The following SLC22A9 variants were observed in gnomAD, a reference collection of about 807,000 sequenced individuals.
The protein encoded by SLC22A9 is solute carrier family 22 member 9, also known as organic anion transporter 7.
A neutral mutation model predicts 50.1 loss-of-function variants in SLC22A9; 64 were observed. That is an observed-to-expected ratio of 1.28 (90% CI 1.04 to 1.57). The LOEUF is 1.57. Ranked by LOEUF, SLC22A9 falls within the 40% of genes most tolerant of loss-of-function variation. The probability of loss-of-function intolerance (pLI) is 0.00; values close to 1 mark genes in which losing one functional copy is unlikely to be tolerated. For synonymous variants in SLC22A9, 261 were observed against 242.5 expected, an observed-to-expected ratio of 1.08 and a Z score of -0.71; for missense variants, 757 against 676.1, an observed-to-expected ratio of 1.12 and a Z score of -1.33.
At chr11:63,381,646 T>C (rs1226097216) in intron 5 of SLC22A9, among the ~76,000 whole-genome samples, 2 of 152,016 alleles carry the variant, frequency 1.3e-5, no homozygotes, top group Non-Finnish European at 2.9e-5. Flanking sequence ...AAGCATGAGA[T>C]TAGGGAGAAA....
At chr11:63,399,568 C>T (rs1200693665) in intron 6 of SLC22A9, among the ~76,000 whole-genome samples, 1 of 151,954 alleles carries the variant, frequency 6.6e-6, no homozygotes, top group East Asian at 1.9e-4. Flanking sequence ...ACTACTAGAA[C>T]TAAAGAGATA....
intron 6 of SLC22A9, among the ~76,000 whole-genome samples, chr11:63,406,021 C>T (rs1037096079): frequency 1.5e-4 from 23 of 152,224 alleles, no homozygotes; most frequent in African/African-American, 5.3e-4. Context: ...CTTTGAGAGA[C>T]AGGACTTGGT....
chr11:63,385,037 C>T, intron 6 of SLC22A9, among the ~76,000 whole-genome samples: 2 of 127,298 alleles, frequency 1.6e-5, no homozygotes, highest in African/African-American at 6.2e-5. Flanking sequence ...GATATTACAT[C>T]TTTGTCAGAT....
At chr11:63,408,261 C>A (rs376035024) in intron 8 of SLC22A9, 41 bp downstream of exon 8, 19 of 1,486,898 alleles carry the variant, frequency 1.3e-5, no homozygotes, top group Non-Finnish European at 1.7e-5. Flanking sequence ...TCAAAATGGA[C>A]CTTTCTCAGA....
chr11:63,409,744 T>A (rs2015105285), intron 9 of SLC22A9, 58 bp from the exon 10 acceptor site: 1 of 1,526,326 alleles, frequency 6.6e-7, no homozygotes, highest in African/African-American at 1.4e-5. Flanking sequence ...ACTTACATGT[T>A]TAGTCCATGT....
At chr11:63,370,920 T>C (rs1401367455) in intron 1 of SLC22A9, among the ~76,000 whole-genome samples, 1 of 152,136 alleles carries the variant, frequency 6.6e-6, no homozygotes, top group Non-Finnish European at 1.5e-5. Context: ...CCATTTAGTA[T>C]GAAATAAAAA....
Position 63,403,298 on chromosome 11 carries a change from T to G in SLC22A9, c.1074-3199T>G, listed in dbSNP as rs531901403. Among the ~76,000 whole-genome samples, 6 of 152,176 alleles carry G rather than the reference T, an allele frequency of 3.9e-5. No individual in the cohort carries two copies. The South Asian group carries it at 1.2e-3, about 32-fold the overall frequency. ...ATGGCAGATTTCTGCAGAAACCTTG[T>G]AGGCCAACAGAGAGTGGGATGATAT... On this transcript the variant is annotated intron_variant, in intron 6 of 9. Transcript: ENST00000279178.
At chr11:63,397,342 C>A (rs1243983540) in intron 6 of SLC22A9, among the ~76,000 whole-genome samples, 1 of 152,150 alleles carries the variant, frequency 6.6e-6, no homozygotes, top group Non-Finnish European at 1.5e-5. Context: ...GCCAGTATAG[C>A]ACTGGGTATC....
intron 4 of SLC22A9, 97 bp downstream of exon 4, chr11:63,374,159 C>A: frequency 8.6e-7 from 1 of 1,161,122 alleles, no homozygotes; most frequent in East Asian, 2.6e-5. Context: ...TTTGTGTAAA[C>A]CTGAGAGCAC....
At chr11:63,388,905 T>A (rs1026549237) in intron 6 of SLC22A9, among the ~76,000 whole-genome samples, 2 of 152,132 alleles carry the variant, frequency 1.3e-5, no homozygotes, top group African/African-American at 4.8e-5. Context: ...AACCTTGGTA[T>A]GCTATTCGTG....
intron 6 of SLC22A9, among the ~76,000 whole-genome samples, chr11:63,383,655 CA>C (rs1565184013): frequency 6.6e-6 from 1 of 151,872 alleles, no homozygotes; most frequent in Non-Finnish European, 1.5e-5. Flanking sequence ...CAAAAGGGAA[CA>C]AAAAAATCCC....
At chr11:63,397,923 T>C (rs1210403242) in intron 6 of SLC22A9, among the ~76,000 whole-genome samples, 1 of 152,066 alleles carries the variant, frequency 6.6e-6, no homozygotes, top group Non-Finnish European at 1.5e-5. Context: ...CCTCCTTTAA[T>C]CTTGGCTCTT....
intron 6 of SLC22A9, among the ~76,000 whole-genome samples, chr11:63,385,887 T>G (rs1034804723): frequency 6.6e-6 from 1 of 152,222 alleles, no homozygotes; most frequent in Non-Finnish European, 1.5e-5. Context: ...TCAAGGGGAA[T>G]GCTTCCAGCT....
chr11:63,398,469 G>C (rs925444072), intron 6 of SLC22A9, among the ~76,000 whole-genome samples: 14 of 152,176 alleles, frequency 9.2e-5, no homozygotes, highest in African/African-American at 3.4e-4. Flanking sequence ...TTTAGTCCAT[G>C]ATGGTGAGGC....
intron 2 of SLC22A9, among the ~76,000 whole-genome samples, chr11:63,371,544 A>G (rs750575045): frequency 1.5e-4 from 23 of 152,170 alleles, no homozygotes; most frequent in Non-Finnish European, 2.5e-4. Context: ...AGAAAGGAAG[A>G]CGTTTCATCA....
intron 6 of SLC22A9, among the ~76,000 whole-genome samples, chr11:63,384,279 A>G (rs570686406): frequency 6.6e-6 from 1 of 152,008 alleles, no homozygotes; most frequent in Non-Finnish European, 1.5e-5. Context: ...ATTTTTCTTA[A>G]TGTTCTCTCT....
At chr11:63,373,834 G>A (rs1171341887) in intron 3 of SLC22A9, 36 bp downstream of exon 3, 2 of 1,604,298 alleles carry the variant, frequency 1.2e-6, no homozygotes, top group Non-Finnish European at 1.7e-6. Context: ...TTTCCAAACT[G>A]TGACTTTGAA....
chr11:63,407,679 C>G (rs2015063467), intron 7 of SLC22A9, among the ~76,000 whole-genome samples: 1 of 152,148 alleles, frequency 6.6e-6, no homozygotes, highest in Non-Finnish European at 1.5e-5. Flanking sequence ...GCAACCCTAG[C>G]CCCATGTCAA....
In SLC22A9 at chr11:63,375,718, G is replaced by T. The variant is rs1385154918; in HGVS notation, c.904G>T (p.Ala302Ser). ...PEEGLKELRKAAHRSGMKNAR... is the reference protein window; with the variant it reads ...PEEGLKELRKSAHRSGMKNAR... Reference sequence around the variant, plus strand: ...GGAAGGCTTAAAGGAACTTAGAAAAGCTGCACACAGGAGTGGAATGAAGAA... The same window carrying T: ...GGAAGGCTTAAAGGAACTTAGAAAATCTGCACACAGGAGTGGAATGAAGAA... The change falls in exon 5 of 10, where the codon GCT (alanine) becomes TCT (serine). Residue 302 changes from alanine to serine, a missense_variant. Coordinates refer to ENST00000279178, the MANE Select transcript of SLC22A9 (RefSeq NM_080866.3). The T allele has an allele frequency of 6.2e-7, 1 of 1,612,660 alleles. No individual in the cohort carries two copies. Among genetic ancestry groups the T allele is most frequent in the South Asian group, 1.1e-5 (1 of 91,052 alleles).
Sources: allele counts gnomAD v4.1 joint callset (sites outside exome capture counted in the v4.1 genomes callset), GRCh38; gene constraint gnomAD v4.1.1; transcripts MANE v1.5; gene names NCBI Gene and HGNC (gene_info 2026-07-23, HGNC 2026-07-21).